ZNF676: variants seen among roughly 807,000 people sequenced by gnomAD.
The protein encoded by ZNF676 is zinc finger protein 676.
A neutral mutation model predicts 6.0 loss-of-function variants in ZNF676; 4 were observed. The ratio of observed to expected loss-of-function variants is 0.67; its 90% CI spans 0.33 to 1.53. The LOEUF (loss-of-function observed/expected upper bound fraction) is 1.53, where lower values mean the gene tolerates loss of function less well. Ranked by LOEUF, ZNF676 falls within the 40% of genes most tolerant of loss-of-function variation. ZNF676 has a pLI of 0.06. For missense variants in ZNF676, 644 were observed against 679.7 expected, an observed-to-expected ratio of 0.95 and a Z score of 0.58; for synonymous variants, 198 against 223.1, an observed-to-expected ratio of 0.89 and a Z score of 1.00.
Position 22,180,265 on chromosome 19 carries a change from T to G in ZNF676, c.1452A>C (p.Lys484Asn), listed in dbSNP as rs760796444. 3 of 1,612,706 alleles carry G rather than the reference T, an allele frequency of 1.9e-6. No homozygotes were observed. The Admixed American group carries it at 5.0e-5, about 27-fold the overall frequency. Residue 484 changes from lysine to asparagine, a missense_variant, in exon 3 of 3, where the codon AAA (lysine) becomes AAC (asparagine). Coordinates refer to ENST00000397121, the MANE Select transcript of ZNF676 (RefSeq NM_001001411.3). ...TAAGGATTGAGAACGTACTAAAGCCTTTGCCACATTCTTCACATTTGTAAG... is the reference window on the plus strand; with the variant it reads ...TAAGGATTGAGAACGTACTAAAGCCGTTGCCACATTCTTCACATTTGTAAG... ...EKPYKCEECG[K>N]GFSTFSILTK...
At chr19:22,182,593 A>AAAAAAAAAAAAAAAAAAAAAAAAAAC (rs1356303631) in intron 2 of ZNF676, among the ~76,000 whole-genome samples, 55 of 90,818 alleles carry the variant, frequency 6.1e-4, no homozygotes, top group South Asian at 1.6e-3. Flanking sequence ...TCTAAAAAAA[A>AAAAAAAAAAAAAAAAAAAAAAAAAAC]AAAAAAAAAG....
chr19:22,253,902 A>G, the ZNF676 span, among the ~76,000 whole-genome samples: 2 of 152,192 alleles, frequency 1.3e-5, no homozygotes, highest in African/African-American at 4.8e-5. Context: ...TATGTAAAAA[A>G]TAGTAGTCTT....
chr19:22,236,002 T>C, the ZNF676 span, among the ~76,000 whole-genome samples: 22 of 151,078 alleles, frequency 1.5e-4, no homozygotes, highest in East Asian at 4.1e-3. Context: ...GATAATCCAC[T>C]GTCATTCTCC....
intron 1 of ZNF676, among the ~76,000 whole-genome samples, chr19:22,194,073 G>T (rs1048573499): frequency 1.4e-4 from 21 of 152,164 alleles, no homozygotes; most frequent in Non-Finnish European, 2.8e-4. Context: ...AATGATGACA[G>T]GCAATGGCCC....
chr19:22,196,610 C>G lies in ZNF676; in HGVS notation c.24G>C (p.Leu8=). 1 of 1,613,676 alleles carries G rather than the reference C, an allele frequency of 6.2e-7. No homozygotes were observed. Among genetic ancestry groups the G allele is most frequent in the Non-Finnish European group, 8.5e-7 (1 of 1,179,694 alleles). Residue 8 remains leucine, a synonymous_variant, in exon 1 of 3, where the codon CTG becomes CTC. Transcript: ENST00000397121. The part of the protein sequence containing the change: MLENYRN[L]VFLGIAAFKP... ...TAAAGTTATTCTCACCCAGGAAGACCAGGTTTCTGTAGTTCTCTAACATCA... is the reference window on the plus strand; with the variant it reads ...TAAAGTTATTCTCACCCAGGAAGACGAGGTTTCTGTAGTTCTCTAACATCA...
chr19:22,239,270 G>A, the ZNF676 span, among the ~76,000 whole-genome samples: 2 of 145,302 alleles, frequency 1.4e-5, no homozygotes, highest in African/African-American at 2.6e-5. Flanking sequence ...GGCACGATCT[G>A]GGCTCACTGC....
In ZNF676 at chr19:22,181,624, T is replaced by C. The variant is rs2023754755; in HGVS notation, c.131-38A>G. The C allele has an allele frequency of 2.8e-6, 4 of 1,426,178 alleles. No individual in the cohort carries two copies. In the African/African-American group the frequency reaches 4.3e-5, roughly 15 times the overall value. The allele number at this position is 1,426,178 out of a possible 1,614,324, so 88.3% of individuals were successfully genotyped here. ...AAAAATAACAAATTAATCTACATAT[T>C]AGACTCAGATAAGTACAGTTTCCAA... On this transcript the variant is annotated intron_variant, in intron 2 of 2. Coordinates refer to ENST00000397121, the MANE Select transcript of ZNF676 (RefSeq NM_001001411.3).
At chr19:22,251,558 G>C in the ZNF676 span, among the ~76,000 whole-genome samples, 1 of 152,200 alleles carries the variant, frequency 6.6e-6, no homozygotes, top group South Asian at 2.1e-4. Flanking sequence ...GGGAGGCCGA[G>C]GTGGGCAGAT....
chr19:22,210,773 T>C (rs969874650), intron 1 of ZNF676, among the ~76,000 whole-genome samples: 24 of 152,304 alleles, frequency 1.6e-4, no homozygotes, highest in African/African-American at 5.3e-4. Flanking sequence ...CATAAAATAC[T>C]TCTTAATCAA....
intron 2 of ZNF676, among the ~76,000 whole-genome samples, chr19:22,182,303 AT>A (rs1254416193): frequency 6.6e-6 from 1 of 152,154 alleles, no homozygotes; most frequent in Non-Finnish European, 1.5e-5. Flanking sequence ...TACATTATAA[AT>A]TTTGTGACAG....
In ZNF676 at chr19:22,193,179, T is replaced by C. The variant is rs2023930414; in HGVS notation, c.35-68A>G. ...TCCAATTACCAACTTAGTAATGTGC[T>C]CAGTAAAGAGGATGTAATAGAATAT... On this transcript the variant is annotated intron_variant, in intron 1 of 2. Transcript: ENST00000397121. 2.1e-6 allele frequency: 3 copies of C among 1,448,784 alleles called. No homozygotes were observed. The African/African-American group carries it at 4.4e-5, about 21-fold the overall frequency. The allele number at this position is 1,448,784 out of a possible 1,614,324, so 89.7% of individuals were successfully genotyped here.
At chr19:22,253,417 TGATAATGTATATATATATG>T in the ZNF676 span, among the ~76,000 whole-genome samples, 1 of 56,574 alleles carries the variant, frequency 1.8e-5, no homozygotes, top group African/African-American at 5.7e-5. Flanking sequence ...TATATATATA[TGATAATGTATATATATATG>T]ATAATGTGTA....
At chr19:22,233,177 G>A in the ZNF676 span, among the ~76,000 whole-genome samples, 5 of 152,050 alleles carry the variant, frequency 3.3e-5, no homozygotes, top group African/African-American at 1.2e-4. Context: ...AATAATTGCA[G>A]CATTGTTACA....
At chr19:22,210,308 G>C (rs1465711043) in intron 1 of ZNF676, among the ~76,000 whole-genome samples, 2 of 152,002 alleles carry the variant, frequency 1.3e-5, no homozygotes, top group Admixed American at 1.3e-4. Context: ...CCCTGATTCA[G>C]GGCTCAGTCC....
chr19:22,229,904 T>G, the ZNF676 span, among the ~76,000 whole-genome samples: 448 of 151,842 alleles, frequency 3.0e-3, no homozygotes, highest in Middle Eastern at 6.8e-3. Context: ...TTGGGGGGAG[T>G]GTAAATCAGT....
At chr19:22,243,114 T>C in the ZNF676 span, 1 of 151,934 alleles carries the variant, frequency 6.6e-6, no homozygotes, top group African/African-American at 2.4e-5. Flanking sequence ...CCCAGAGACA[T>C]ATCACAATCT....
the ZNF676 span, among the ~76,000 whole-genome samples, chr19:22,232,815 C>CT: frequency 6.6e-6 from 1 of 151,980 alleles, no homozygotes; most frequent in African/African-American, 2.4e-5. Context: ...TATGAGCATG[C>CT]TCCTGTTCAA....
chr19:22,197,580 G>T (rs1471312018), upstream of ZNF676, among the ~76,000 whole-genome samples: 1 of 151,866 alleles, frequency 6.6e-6, no homozygotes, highest in African/African-American at 2.4e-5. Context: ...TCCAGTAATA[G>T]AATGAGCCTG....
At chr19:22,203,285 A>G (rs1396451856) in intron 1 of ZNF676, 1 of 153,426 alleles carries the variant, frequency 6.5e-6, no homozygotes, top group Non-Finnish European at 1.5e-5. Context: ...ATGAGTCCAG[A>G]TAGAGATAGC....
Sources: allele counts gnomAD v4.1 joint callset (sites outside exome capture counted in the v4.1 genomes callset), GRCh38; gene constraint gnomAD v4.1.1; transcripts MANE v1.5; gene names NCBI Gene and HGNC (gene_info 2026-07-23, HGNC 2026-07-21).